Variants in AOPEP observed in about 807,000 individuals in gnomAD.
AOPEP encodes the protein aminopeptidase O (putative), also known as aminopeptidase O.
A neutral mutation model predicts 98.1 loss-of-function variants in AOPEP; 77 were observed. The ratio of observed to expected loss-of-function variants is 0.78; its 90% CI spans 0.65 to 0.95. The LOEUF (loss-of-function observed/expected upper bound fraction) is 0.95. Among genes scored for constraint, AOPEP ranks in the 40% least tolerant of loss-of-function variants. The pLI, the probability that AOPEP is intolerant of heterozygous loss-of-function variation, is 0.00. For missense variants in AOPEP, 1,024 were observed against 1,024.7 expected (o/e 1.00, Z 0.01); for synonymous variants, 346 against 365.3 (o/e 0.95, Z 0.60).
intron 2 of AOPEP, among the ~76,000 whole-genome samples, chr9:94,766,276 C>G (rs1292557937): frequency 6.6e-6 from 1 of 152,214 alleles, no homozygotes; most frequent in Non-Finnish European, 1.5e-5. Context: ...CAGCGGCTCA[C>G]GCGTGTAATC....
At chr9:94,885,046 T>G (rs1588698514) in intron 5 of AOPEP, among the ~76,000 whole-genome samples, 1 of 136,568 alleles carries the variant, frequency 7.3e-6, no homozygotes, top group African/African-American at 2.7e-5. Context: ...TGGTGCAAAG[T>G]GCTATATTAA....
At chr9:94,877,542 T>C (rs977777617) in intron 5 of AOPEP, among the ~76,000 whole-genome samples, 2 of 151,692 alleles carry the variant, frequency 1.3e-5, no homozygotes, top group African/African-American at 4.9e-5. Flanking sequence ...TGCCCCAGGC[T>C]CTGGAGTAAC....
At chr9:94,962,911 A>G (rs1361434818) in intron 9 of AOPEP, among the ~76,000 whole-genome samples, 1 of 151,494 alleles carries the variant, frequency 6.6e-6, no homozygotes, top group African/African-American at 2.4e-5. Context: ...GCCTGGCTAA[A>G]TTTTTGTATT....
intron 1 of AOPEP, among the ~76,000 whole-genome samples, chr9:94,753,220 G>A (rs144160253): frequency 1.3e-3 from 200 of 152,232 alleles, no homozygotes; most frequent in African/African-American, 4.7e-3. Flanking sequence ...GAATAAAATT[G>A]GACCCAGAAG....
At position 95,060,764 on chromosome 9, in the gene AOPEP, T is replaced by G. The variant is rs2067253759; in HGVS notation, c.2186T>G (p.Leu729Arg). 6.2e-7 allele frequency: 1 copy of G among 1,613,970 alleles called. No individual in the cohort carries two copies. Among genetic ancestry groups the G allele is most frequent in the South Asian group, 1.1e-5 (1 of 91,088 alleles). Residue 729 changes from leucine to arginine, a missense_variant, in exon 14 of 17, where the codon CTG (leucine) becomes CGG (arginine). Physicochemically the swap from Leu to Arg is moderately radical, Grantham distance 102 (BLOSUM62 -2). Around this residue, in one of 3 missense-constraint regions of AOPEP, gnomAD observed 566 missense variants for 551.7 expected, o/e 1.03. Coordinates refer to ENST00000375315, the MANE Select transcript of AOPEP (RefSeq NM_001193329.3). ...CAGAAGACTCTGAGCCCCCGAACTC[T>G]GCAAAGCCTCCAGAGGACATACCAC... Reference protein sequence around the residue: ...LEQKTLSPRTLQSLQRTYHLQ... With the variant: ...LEQKTLSPRTRQSLQRTYHLQ...
chr9:95,067,660 T>C (rs887386766), intron 14 of AOPEP, among the ~76,000 whole-genome samples: 1 of 152,134 alleles, frequency 6.6e-6, no homozygotes, highest in Non-Finnish European at 1.5e-5. Flanking sequence ...GTTCTTAGGG[T>C]GAGGGGTAAC....
rs1243686698 is a variant in AOPEP, at chr9:94,928,537, G to C, written c.1661+6G>C. ...GAGGAGATGCAGGTGTTAAGGTAAAGCTGCATGGTGATCCACAGCCCTCTC... is the reference window on the plus strand; with the variant it reads ...GAGGAGATGCAGGTGTTAAGGTAAACCTGCATGGTGATCCACAGCCCTCTC... On this transcript the variant is annotated splice_donor_region_variant and intron_variant, in intron 7 of 16. Coordinates refer to ENST00000375315, the MANE Select transcript of AOPEP (RefSeq NM_001193329.3). 2 of 1,540,368 alleles carry C rather than the reference G, an allele frequency of 1.3e-6. No individual in the cohort carries two copies. The highest frequency in any genetic ancestry group is 1.8e-6 in the Non-Finnish European group (2 of 1,137,512).
At chr9:95,076,495 C>T (rs1440308977) in intron 14 of AOPEP, among the ~76,000 whole-genome samples, 3 of 152,188 alleles carry the variant, frequency 2.0e-5, no homozygotes, top group Non-Finnish European at 4.4e-5. Context: ...ATAGACTACC[C>T]TGCAACCATT....
intron 13 of AOPEP, among the ~76,000 whole-genome samples, chr9:95,006,767 T>C (rs912394258): frequency 1.3e-5 from 2 of 152,126 alleles, no homozygotes; most frequent in African/African-American, 4.8e-5. Flanking sequence ...CAGCATGGTA[T>C]GGTAAGTTGT....
chr9:94,761,116 C>T (rs760240458), intron 2 of AOPEP, among the ~76,000 whole-genome samples: 4 of 152,146 alleles, frequency 2.6e-5, no homozygotes, highest in African/African-American at 9.7e-5. Context: ...CGTGACCCCC[C>T]CCAAAGCATA....
At chr9:94,730,982 C>T (rs1043950196) in intron 1 of AOPEP, among the ~76,000 whole-genome samples, 10 of 152,102 alleles carry the variant, frequency 6.6e-5, no homozygotes, top group African/African-American at 1.9e-4. Flanking sequence ...AGGTTGTTGG[C>T]GCTGAGTAGG....
intron 9 of AOPEP, among the ~76,000 whole-genome samples, chr9:94,957,305 T>G (rs1027308327): frequency 8.5e-5 from 13 of 152,158 alleles, no homozygotes; most frequent in Non-Finnish European, 1.6e-4. Context: ...CCTCCCAGAT[T>G]CAAGTGATTC....
intron 3 of AOPEP, among the ~76,000 whole-genome samples, chr9:94,782,677 G>A (rs1304955317): frequency 2.0e-5 from 3 of 152,238 alleles, no homozygotes; most frequent in African/African-American, 4.8e-5. Flanking sequence ...AAGAAAGAAT[G>A]CAAAGTAGAG....
chr9:95,067,627 C>G (rs2068049162), intron 14 of AOPEP, among the ~76,000 whole-genome samples: 2 of 152,192 alleles, frequency 1.3e-5, no homozygotes, highest in Middle Eastern at 3.2e-3. Flanking sequence ...GTACCCTTCG[C>G]TGAAACAGCC....
chr9:95,150,212 G>A, the AOPEP span: 4 of 884,076 alleles, frequency 4.5e-6, no homozygotes, highest in Non-Finnish European at 7.4e-6. Flanking sequence ...TAAAGAGAAT[G>A]ACTCTAACAC....
At chr9:95,081,530 C>T (rs1332097916) in intron 15 of AOPEP, among the ~76,000 whole-genome samples, 46 of 152,174 alleles carry the variant, frequency 3.0e-4, no homozygotes, top group Non-Finnish European at 4.4e-5. Flanking sequence ...GATAGGGTCT[C>T]AGTGTGGGGG....
intron 5 of AOPEP, among the ~76,000 whole-genome samples, chr9:94,840,513 T>G (rs2042148513): frequency 6.6e-6 from 1 of 152,240 alleles, no homozygotes; most frequent in Non-Finnish European, 1.5e-5. Flanking sequence ...CCTTATAAAC[T>G]GAGTTTGGAA....
chr9:94,872,899 T>C (rs1190566162), intron 5 of AOPEP, among the ~76,000 whole-genome samples: 1 of 152,180 alleles, frequency 6.6e-6, no homozygotes, highest in East Asian at 1.9e-4. Context: ...GAGAGCTTTC[T>C]CACTCACAAG....
chr9:95,071,881 GT>G (rs2068548042), intron 14 of AOPEP, among the ~76,000 whole-genome samples: 2 of 152,194 alleles, frequency 1.3e-5, no homozygotes, highest in Non-Finnish European at 2.9e-5. Flanking sequence ...GCCAGACCAT[GT>G]TTCCTTGTAC....
Sources: allele counts gnomAD v4.1 joint callset (sites outside exome capture counted in the v4.1 genomes callset), GRCh38; gene constraint gnomAD v4.1.1; regional missense constraint gnomAD v4.1.1; transcripts MANE v1.5; gene names NCBI Gene and HGNC (gene_info 2026-07-23, HGNC 2026-07-21).